Variants in SLC12A6 observed in about 807,000 individuals in gnomAD.
The protein encoded by SLC12A6 is K-Cl cotransporter 3.
Under a neutral mutation model 135.3 loss-of-function variants are expected in SLC12A6, and 66 were observed. The ratio of observed to expected loss-of-function variants is 0.49; its 90% CI spans 0.40 to 0.60. The LOEUF (loss-of-function observed/expected upper bound fraction) is 0.60. Ranked by LOEUF, SLC12A6 falls within the 20% of genes least tolerant of loss-of-function variation. The pLI is 0.00. For missense variants in SLC12A6, 1,058 were observed against 1,452.3 expected, an observed-to-expected ratio of 0.73 and a Z score of 4.41; for synonymous variants, 513 against 508.8, an observed-to-expected ratio of 1.01 and a Z score of -0.11.
intron 2 of SLC12A6, among the ~76,000 whole-genome samples, chr15:34,331,409 G>A (rs759075291): frequency 2.6e-5 from 4 of 152,218 alleles, no homozygotes; most frequent in African/African-American, 4.8e-5. Flanking sequence ...CCAAAGTGCT[G>A]AGATTACAGG....
chr15:34,283,755 C>CT (rs1894844126), intron 2 of SLC12A6, among the ~76,000 whole-genome samples: 1 of 144,322 alleles, frequency 6.9e-6, no homozygotes, highest in Admixed American at 6.7e-5. Flanking sequence ...GAAAGGTTAG[C>CT]ATTTTTTTTT....
rs371322623 is a variant in SLC12A6 at position 34,235,431 on chromosome 15, A to ATTTTTTTTTTTTTTTTTTTTTTT, written c.3228-118_3228-117insAAAAAAAAAAAAAAAAAAAAAAA. 7 of 503,424 alleles carry ATTTTTTTTTTTTTTTTTTTTTTT rather than the reference A, an allele frequency of 1.4e-5. No homozygotes were observed. The African/African-American group carries it at 1.6e-4, about 12-fold the overall frequency. The allele number at this position is 503,424 out of a possible 1,614,324, so 31.2% of individuals were successfully genotyped here. A position where few individuals can be genotyped will look rare whatever the true frequency, so the allele number is the denominator to read the frequency against. On this transcript the variant is annotated intron_variant, in intron 24 of 25. Transcript: ENST00000354181. Reference sequence around the variant, plus strand: ...TGACTATGGATAATCTGATAAAATGATTTTTTTTTTTTTTTTTTTTGAGAG... The same window carrying ATTTTTTTTTTTTTTTTTTTTTTT: ...TGACTATGGATAATCTGATAAAATGATTTTTTTTTTTTTTTTTTTTTTTTTTTTTTTTTTTTTTTTTTTGAGAG...
chr15:34,324,138 T>C (rs1446238670), intron 2 of SLC12A6, among the ~76,000 whole-genome samples: 1 of 151,980 alleles, frequency 6.6e-6, no homozygotes, highest in Non-Finnish European at 1.5e-5. Flanking sequence ...TTCAAACAAA[T>C]ATGTATATAA....
chr15:34,307,506 G>C (rs1896677970), intron 2 of SLC12A6, among the ~76,000 whole-genome samples: 2 of 151,922 alleles, frequency 1.3e-5, no homozygotes, highest in African/African-American at 4.8e-5. Flanking sequence ...TTTTAAAATT[G>C]AAGATGAGGT....
intron 2 of SLC12A6, among the ~76,000 whole-genome samples, chr15:34,332,462 T>C (rs914211800): frequency 3.9e-5 from 6 of 152,142 alleles, no homozygotes; most frequent in African/African-American, 1.4e-4. Flanking sequence ...TCAGGGAGTA[T>C]CTGTTGACTT....
intron 2 of SLC12A6, among the ~76,000 whole-genome samples, chr15:34,335,560 T>A (rs1890142809): frequency 6.6e-6 from 1 of 152,110 alleles, no homozygotes; most frequent in Admixed American, 6.6e-5. Context: ...GCAGTACAGG[T>A]CTCAAACTTT....
intron 2 of SLC12A6, among the ~76,000 whole-genome samples, chr15:34,281,657 G>A (rs964827079): frequency 2.6e-5 from 4 of 152,142 alleles, no homozygotes; most frequent in Admixed American, 6.6e-5. Flanking sequence ...GCATGGTGGC[G>A]CATGCCTGTA....
chr15:34,233,532 CG>C lies in SLC12A6; in HGVS notation c.*348del. On this transcript the variant is annotated 3_prime_UTR_variant, in exon 26 of 26. Coordinates refer to ENST00000354181, the MANE Select transcript of SLC12A6 (RefSeq NM_001365088.1). ...TGAGATTCATCTTTAATGCTGAATA[CG>C]TACTTGACTTGCTTTTTTTCTTCAG... The C allele has an allele frequency of 3.6e-6, 1 of 280,134 alleles. No individual in the cohort carries two copies. The highest frequency in any genetic ancestry group is 4.6e-5 in the Admixed American group (1 of 21,620). 17.4% of individuals were successfully genotyped at this position (280,134 alleles called of 1,614,324 possible).
chr15:34,302,559 G>GT (rs957494953), intron 2 of SLC12A6, among the ~76,000 whole-genome samples: 3 of 152,176 alleles, frequency 2.0e-5, no homozygotes, highest in African/African-American at 7.2e-5. Context: ...GCCAGGTGTG[G>GT]TGGCGGGAGC....
chr15:34,295,773 C>T (rs1482933523), intron 2 of SLC12A6, among the ~76,000 whole-genome samples: 1 of 152,092 alleles, frequency 6.6e-6, no homozygotes, highest in Non-Finnish European at 1.5e-5. Context: ...CCAAGGTAGG[C>T]GGATCACCTG....
intron 25 of SLC12A6, among the ~76,000 whole-genome samples, chr15:34,234,448 C>G (rs149663125): frequency 3.3e-5 from 5 of 152,214 alleles, no homozygotes; most frequent in Admixed American, 1.3e-4. Context: ...TCTTGGCTCA[C>G]TGCAACCTCC....
At chr15:34,330,431 G>A (rs1475481181) in intron 2 of SLC12A6, among the ~76,000 whole-genome samples, 1 of 152,154 alleles carries the variant, frequency 6.6e-6, no homozygotes, top group African/African-American at 2.4e-5. Context: ...CTAGCACTTT[G>A]GGAGGCTGAG....
intron 2 of SLC12A6, among the ~76,000 whole-genome samples, chr15:34,331,205 C>A (rs915867735): frequency 6.6e-6 from 1 of 152,150 alleles, no homozygotes; most frequent in East Asian, 1.9e-4. Context: ...CAGAGTCTCG[C>A]TCTGTCATCC....
chr15:34,335,475 A>T (rs1246668554), intron 2 of SLC12A6, among the ~76,000 whole-genome samples: 1 of 152,238 alleles, frequency 6.6e-6, no homozygotes, highest in Non-Finnish European at 1.5e-5. Flanking sequence ...ATATTATTTT[A>T]AGAGTCTTTA....
At chr15:34,258,425 C>T (rs1297303689) in intron 5 of SLC12A6, among the ~76,000 whole-genome samples, 2 of 152,310 alleles carry the variant, frequency 1.3e-5, no homozygotes, top group East Asian at 3.9e-4. Context: ...AGCTCACTCC[C>T]TCCCATCAGC....
intron 2 of SLC12A6, chr15:34,318,602 A>G (rs137998688): frequency 7.4e-6 from 12 of 1,613,870 alleles, no homozygotes; most frequent in Non-Finnish European, 9.3e-6. Flanking sequence ...TATGTCTGCT[A>G]AACTAGGCTC....
At position 34,336,452 on chromosome 15, in the gene SLC12A6, G is replaced by T; in HGVS notation, c.229C>A (p.Pro77Thr). 1 of 1,613,154 alleles carries T rather than the reference G, an allele frequency of 6.2e-7. No homozygotes were observed. Residue 77 changes from proline to threonine, a missense_variant, in exon 2 of 26, where the codon CCA becomes ACA. Around this residue, in one of 6 missense-constraint regions of SLC12A6, gnomAD observed 176 missense variants for 168.9 expected, o/e 1.04. Coordinates refer to ENST00000354181, the MANE Select transcript of SLC12A6 (RefSeq NM_001365088.1). Reference protein sequence around the residue: ...TTSLATVALDPPSDRTSHPQD... With the variant: ...TTSLATVALDTPSDRTSHPQD... ...GGGTGAGAAGTCCGGTCACTGGGTGGATCCAGTGCAACAGTTGCCAGCGAA... is the reference window on the plus strand; with the variant it reads ...GGGTGAGAAGTCCGGTCACTGGGTGTATCCAGTGCAACAGTTGCCAGCGAA...
intron 13 of SLC12A6, among the ~76,000 whole-genome samples, chr15:34,249,122 G>T (rs1892209639): frequency 6.6e-6 from 1 of 152,188 alleles, no homozygotes; most frequent in Non-Finnish European, 1.5e-5. Context: ...TCTGGTGGCA[G>T]TGTGGAAGAA....
chr15:34,309,863 T>TA (rs1342243572), intron 2 of SLC12A6, among the ~76,000 whole-genome samples: 1 of 152,186 alleles, frequency 6.6e-6, no homozygotes, highest in Admixed American at 6.5e-5. Flanking sequence ...GTTAGGCTGG[T>TA]AAAAGCCTCC....
Sources: allele counts gnomAD v4.1 joint callset (sites outside exome capture counted in the v4.1 genomes callset), GRCh38; gene constraint gnomAD v4.1.1; regional missense constraint gnomAD v4.1.1; transcripts MANE v1.5; gene names NCBI Gene and HGNC (gene_info 2026-07-23, HGNC 2026-07-21).